Variants in MTAP observed in about 807,000 individuals in gnomAD.
The protein encoded by MTAP is methylthioadenosine phosphorylase.
MTAP carries 33 observed loss-of-function variants against 33.6 expected under a neutral mutation model. That is an observed-to-expected ratio of 0.98 (90% CI 0.74 to 1.31). The LOEUF is 1.31. Among genes scored for constraint, MTAP ranks in the 40% most tolerant of loss-of-function variants. The probability of loss-of-function intolerance (pLI) is 0.00; values close to 1 mark genes in which losing one functional copy is unlikely to be tolerated. For missense variants in MTAP, 367 were observed against 360.0 expected (o/e 1.02, Z -0.16); for synonymous variants, 148 against 125.7 (o/e 1.18, Z -1.19).
Position 21,840,276 on chromosome 9 carries a change from C to T in MTAP, c.450+2266C>T, listed in dbSNP as rs114661275. ...GGCTAACGTGCAGCTTCCACAAGGACGGACAGAATAGCATATGGAGACACT... is the reference window on the plus strand; with the variant it reads ...GGCTAACGTGCAGCTTCCACAAGGATGGACAGAATAGCATATGGAGACACT... On this transcript the variant is annotated intron_variant, in intron 5 of 7. Coordinates refer to ENST00000644715, the MANE Select transcript of MTAP (RefSeq NM_002451.4). Among the ~76,000 whole-genome samples, 1,006 of 151,546 alleles carry T rather than the reference C, an allele frequency of 6.6e-3. 10 individuals carry two copies. Among genetic ancestry groups the T allele is most frequent in the African/African-American group, 0.023 (955 of 41,322 alleles).
chr9:21,916,045 GGAGA>G (rs1274376544), intron 1 of MTAP, among the ~76,000 whole-genome samples: 1 of 132,006 alleles, frequency 7.6e-6, no homozygotes, highest in African/African-American at 2.8e-5. Flanking sequence ...ACAGAGAGAA[GGAGA>G]GAGAGGGAGG....
intron 4 of MTAP, 21 bp from the exon 5 acceptor site, chr9:21,837,887 C>CT (rs776624655): frequency 1.9e-6 from 3 of 1,597,768 alleles, no homozygotes; most frequent in Non-Finnish European, 2.6e-6. Flanking sequence ...AAACAAAAAC[C>CT]TTTTTTGCTT....
chr9:21,883,819 G>A (rs73440440), intron 1 of MTAP, among the ~76,000 whole-genome samples: 1 of 151,974 alleles, frequency 6.6e-6, no homozygotes, highest in Non-Finnish European at 1.5e-5. Context: ...GCAATAGGAA[G>A]CTGGGGATGA....
chr9:21,930,791 A>G (rs1818945240), intron 1 of MTAP: 2 of 713,410 alleles, frequency 2.8e-6, no homozygotes, highest in Admixed American at 4.4e-5. Flanking sequence ...ATCAATCAGT[A>G]AAAGTACAAA....
At chr9:21,885,779 GGTGTGTGTGTGTGTGTGTGTGT>G (rs34691018) in intron 1 of MTAP, among the ~76,000 whole-genome samples, 2 of 144,348 alleles carry the variant, frequency 1.4e-5, no homozygotes, top group South Asian at 4.6e-4. Flanking sequence ...AGTATTACAT[GGTGTGTGTGTGTGTGTGTGTGT>G]GTGTGTGTGT....
chr9:21,835,583 G>A (rs1016036390), intron 4 of MTAP, among the ~76,000 whole-genome samples: 4 of 152,140 alleles, frequency 2.6e-5, no homozygotes, highest in African/African-American at 9.7e-5. Context: ...TGTGGGGTGT[G>A]ATCGGCAGGC....
chr9:21,854,555 A>G lies in MTAP; in HGVS notation c.451-76A>G, dbSNP rs1825590457. 5 of 1,455,260 alleles carry G rather than the reference A, an allele frequency of 3.4e-6. No individual in the cohort carries two copies. The East Asian group carries it at 1.2e-4, about 34-fold the overall frequency. The allele number at this position is 1,455,260 out of a possible 1,614,324, so 90.1% of individuals were successfully genotyped here. A position where few individuals can be genotyped will look rare whatever the true frequency, so the allele number is the denominator to read the frequency against. On this transcript the variant is annotated intron_variant, in intron 5 of 7. Coordinates refer to ENST00000644715, the MANE Select transcript of MTAP (RefSeq NM_002451.4). ...ATCATCTTTAAGAAATCAACTTGGT[A>G]AACATTGGGGGGAAGTGCAGCCTTA... is the stretch of plus-strand genomic sequence containing the variant.
At position 21,842,786 on chromosome 9, in the gene MTAP, A is replaced by G. The variant is rs535924161; in HGVS notation, c.450+4776A>G. 3.2e-4 allele frequency among the ~76,000 whole-genome samples: 48 copies of G among 152,320 alleles called. 2 individuals carry two copies. In the South Asian group the frequency reaches 9.3e-3, roughly 30 times the overall value. ...CTAAATCTTGAAACAAAACCTCAAA[A>G]TACACCAAAATAGAACCTCATTAAA... On this transcript the variant is annotated intron_variant, in intron 5 of 7. Transcript: ENST00000644715.
Position 21,854,644 on chromosome 9 carries a change from C to T in MTAP, c.464C>T (p.Thr155Ile), listed in dbSNP as rs756089972. Residue 155 changes from threonine to isoleucine, a missense_variant, in exon 6 of 8, where the codon ACT (threonine) becomes ATT (isoleucine). Transcript: ENST00000644715. ...CPKTREVLIE[T>I]AKKLGLRCHS... ...TTTCTTTTCTAGGTTCTTATAGAGA[C>T]TGCTAAGAAGCTAGGACTCCGGTGC... 8 of 1,586,868 alleles carry T rather than the reference C, an allele frequency of 5.0e-6. No individual in the cohort carries two copies. The highest frequency in any genetic ancestry group is 6.9e-6 in the Non-Finnish European group (8 of 1,167,388).
At chr9:21,845,436 G>GA (rs548226459) in intron 5 of MTAP, among the ~76,000 whole-genome samples, 9 of 150,108 alleles carry the variant, frequency 6.0e-5, no homozygotes, top group East Asian at 1.9e-4. Flanking sequence ...ACAGTTGCAG[G>GA]AAAAAAAAAG....
At chr9:21,877,162 A>T (rs1008238752) in intron 1 of MTAP, among the ~76,000 whole-genome samples, 1 of 151,828 alleles carries the variant, frequency 6.6e-6, no homozygotes, top group African/African-American at 2.4e-5. Flanking sequence ...TCTCTGCTTG[A>T]CTGTCATTGG....
At chr9:21,856,785 T>C (rs531198563) in intron 6 of MTAP, among the ~76,000 whole-genome samples, 4 of 152,368 alleles carry the variant, frequency 2.6e-5, no homozygotes, top group Middle Eastern at 3.4e-3. Context: ...AATCGTGTGT[T>C]GCAGCCTGGC....
intron 4 of MTAP, among the ~76,000 whole-genome samples, chr9:21,832,670 C>T (rs988711610): frequency 6.6e-6 from 1 of 152,174 alleles, no homozygotes; most frequent in Non-Finnish European, 1.5e-5. Flanking sequence ...TTCATTCTTA[C>T]GTTCTGTTCC....
chr9:21,817,208 T>G (rs1433521239), intron 3 of MTAP, among the ~76,000 whole-genome samples: 3 of 152,212 alleles, frequency 2.0e-5, no homozygotes, highest in African/African-American at 7.2e-5. Context: ...CTGGTGCTGC[T>G]CCATATTACA....
At chr9:21,803,547 T>G (rs1245177959) in intron 1 of MTAP, among the ~76,000 whole-genome samples, 1 of 152,156 alleles carries the variant, frequency 6.6e-6, no homozygotes, top group Non-Finnish European at 1.5e-5. Context: ...AAGGGGTCAT[T>G]GTGCGGTGGG....
chr9:21,825,801 A>G (rs2118168053), intron 4 of MTAP, among the ~76,000 whole-genome samples: 1 of 152,278 alleles, frequency 6.6e-6, no homozygotes, highest in Middle Eastern at 3.4e-3. Context: ...TGAATGCACC[A>G]CTACACTCCA....
At position 21,816,773 on chromosome 9, in the gene MTAP, G is replaced by T; in HGVS notation, c.179+1G>T. 1 of 1,607,704 alleles carries T rather than the reference G, an allele frequency of 6.2e-7. No individual in the cohort carries two copies. Among genetic ancestry groups the T allele is most frequent in the Non-Finnish European group, 8.5e-7 (1 of 1,177,314 alleles). ...ATGTTGATTGCGTCCTCCTTGCAAG[G>T]TATGGTATTTTAAGCTTTTTGGATG... On this transcript the variant is annotated splice_donor_variant, in intron 3 of 7. Transcript: ENST00000644715. LOFTEE classifies it high-confidence loss of function.
chr9:21,819,108 T>C (rs1276434577), intron 4 of MTAP, among the ~76,000 whole-genome samples: 1 of 151,938 alleles, frequency 6.6e-6, no homozygotes, highest in Non-Finnish European at 1.5e-5. Context: ...GGCTAAATGG[T>C]ATTCTGTTGT....
chr9:21,830,311 A>G (rs1054175258), intron 4 of MTAP, among the ~76,000 whole-genome samples: 14 of 152,342 alleles, frequency 9.2e-5, no homozygotes, highest in Non-Finnish European at 1.8e-4. Flanking sequence ...CAAACCAAAA[A>G]TTAAAAATAG....
Sources: gnomAD v4.1 joint callset for allele counts (sites outside exome capture counted in the v4.1 genomes callset) on GRCh38, gnomAD v4.1.1 for gene constraint, MANE v1.5 for transcripts, NCBI Gene and HGNC (gene_info 2026-07-23, HGNC 2026-07-21) for gene names.